ZYG11B: variants seen among roughly 807,000 people sequenced by gnomAD.
ZYG11B encodes the protein zyg-11 family member B, cell cycle regulator.
Under a neutral mutation model 82.4 loss-of-function variants are expected in ZYG11B, and 36 were observed. That is an observed-to-expected ratio of 0.44 (90% CI 0.33 to 0.58). The LOEUF (loss-of-function observed/expected upper bound fraction) is 0.58. Ranked by LOEUF, ZYG11B falls within the 20% of genes least tolerant of loss-of-function variation. The pLI is 0.02. For synonymous variants in ZYG11B, 303 were observed against 312.8 expected, an observed-to-expected ratio of 0.97 and a Z score of 0.33; for missense variants, 552 against 895.6, an observed-to-expected ratio of 0.62 and a Z score of 4.90.
intron 2 of ZYG11B, among the ~76,000 whole-genome samples, chr1:52,759,132 A>G (rs183966264): frequency 4.6e-5 from 7 of 152,234 alleles, no homozygotes; most frequent in Non-Finnish European, 8.8e-5. Context: ...GGGTTTCACC[A>G]TGTTGGCCAG....
In ZYG11B at chr1:52,824,716, C is replaced by T. The variant is rs981784453; in HGVS notation, c.*3087C>T. ...AGTGCCTTTGCAGTTGGGATGGTTC[C>T]TAAAATTGCGTATAGAATTAAGGCA... On this transcript the variant is annotated 3_prime_UTR_variant, in exon 14 of 14. Transcript: ENST00000294353. 6 of 151,838 alleles carry T rather than the reference C, an allele frequency of 4.0e-5. No individual in the cohort carries two copies. The highest frequency in any genetic ancestry group is 7.4e-5 in the Non-Finnish European group (5 of 67,992). 9.4% of individuals were successfully genotyped at this position (151,838 alleles called of 1,614,324 possible).
intron 8 of ZYG11B, among the ~76,000 whole-genome samples, chr1:52,801,576 G>A (rs1402216832): frequency 6.6e-6 from 1 of 151,950 alleles, no homozygotes; most frequent in Admixed American, 6.6e-5. Flanking sequence ...TAATCATTTT[G>A]CCTATGTTAT....
chr1:52,736,583 G>T (rs1209903454), intron 1 of ZYG11B, among the ~76,000 whole-genome samples: 1 of 152,128 alleles, frequency 6.6e-6, no homozygotes, highest in Non-Finnish European at 1.5e-5. Flanking sequence ...CTCCTGAGTA[G>T]CTGGGATTAC....
intron 10 of ZYG11B, among the ~76,000 whole-genome samples, chr1:52,808,520 G>A (rs1645159628): frequency 1.3e-5 from 2 of 152,044 alleles, no homozygotes; most frequent in African/African-American, 4.8e-5. Context: ...AAAGTTTTTA[G>A]CCATTATTTC....
chr1:52,727,733 T>A, intron 1 of ZYG11B, among the ~76,000 whole-genome samples: 1 of 152,158 alleles, frequency 6.6e-6, no homozygotes, highest in East Asian at 1.9e-4. Context: ...GAGAACCTTA[T>A]ATTTGCAAAT....
intron 3 of ZYG11B, among the ~76,000 whole-genome samples, chr1:52,775,572 T>A (rs1644796878): frequency 6.6e-6 from 1 of 152,062 alleles, no homozygotes. Context: ...ATGCCTGTAA[T>A]CCCATCTATT....
rs1644747048 is a variant in ZYG11B, at chr1:52,771,154, G to T, written c.331G>T (p.Asp111Tyr). 4.3e-6 allele frequency: 7 copies of T among 1,614,108 alleles called. No homozygotes were observed. Among genetic ancestry groups the T allele is most frequent in the Non-Finnish European group, 5.9e-6 (7 of 1,180,054 alleles). The change falls in exon 3 of 14, where the codon GAT becomes TAT. Residue 111 changes from aspartate to tyrosine, a missense_variant. This residue lies in a region of ZYG11B where 359 missense variants were observed against 555.8 expected (regional missense o/e 0.65). Transcript: ENST00000294353. This position sits in a 1 kb window ranked among gnomAD's most constrained non-coding sequence, Gnocchi z 5.4. ...CTGCCACCACAAGTTAGTGGAACTT[G>T]ATGCCACAGGTGTGAATGCTGATAT... is the stretch of plus-strand genomic sequence containing the variant. ...AFCHHKLVEL[D>Y]ATGVNADITI...
At position 52,813,795 on chromosome 1, in the gene ZYG11B, T is replaced by C. The variant is rs896401500; in HGVS notation, c.1893+62T>C. Reference sequence around the variant, plus strand: ...TGGTTAAACTATCAAAGCCTCATAATGTAGTAAATAATGCAGTGCTAAATA... The same window carrying C: ...TGGTTAAACTATCAAAGCCTCATAACGTAGTAAATAATGCAGTGCTAAATA... On this transcript the variant is annotated intron_variant, in intron 11 of 13. Coordinates refer to ENST00000294353, the MANE Select transcript of ZYG11B (RefSeq NM_024646.3). 5 of 1,612,854 alleles carry C rather than the reference T, an allele frequency of 3.1e-6. No homozygotes were observed. The African/African-American group carries it at 5.3e-5, about 17-fold the overall frequency.
rs1645294674 is a variant in ZYG11B at position 52,823,011 on chromosome 1, T to C, written c.*1382T>C. 1 of 152,268 alleles carries C rather than the reference T, an allele frequency of 6.6e-6. No homozygotes were observed. Among genetic ancestry groups the C allele is most frequent in the African/African-American group, 2.4e-5 (1 of 41,472 alleles). 9.4% of individuals were successfully genotyped at this position (152,268 alleles called of 1,614,324 possible). On this transcript the variant is annotated 3_prime_UTR_variant, in exon 14 of 14. Coordinates refer to ENST00000294353, the MANE Select transcript of ZYG11B (RefSeq NM_024646.3). Reference sequence around the variant, plus strand: ...AATGGAATATTAAAATTATAGTGATTATTCAGAAGCATTTTAATTTAGAAA... The same window carrying C: ...AATGGAATATTAAAATTATAGTGATCATTCAGAAGCATTTTAATTTAGAAA...
At chr1:52,792,112 T>C (rs1571782405) in intron 6 of ZYG11B, among the ~76,000 whole-genome samples, 2 of 152,324 alleles carry the variant, frequency 1.3e-5, no homozygotes, top group East Asian at 3.9e-4. Flanking sequence ...TTTGCTTTCC[T>C]CTCATCTAGC....
intron 10 of ZYG11B, among the ~76,000 whole-genome samples, chr1:52,803,275 C>T (rs1385751742): frequency 6.5e-5 from 7 of 108,178 alleles, no homozygotes; most frequent in African/African-American, 2.1e-4. Context: ...TACACACACA[C>T]ACACATATAT....
chr1:52,770,763 A>G (rs1348893149), intron 2 of ZYG11B, among the ~76,000 whole-genome samples: 1 of 152,176 alleles, frequency 6.6e-6, no homozygotes, highest in East Asian at 1.9e-4. Context: ...TAAGAACTAG[A>G]TGTTAGTGGA....
rs140509964 is a variant in ZYG11B, at chr1:52,726,957, C to G, written c.30+274C>G. ...CCAGTGACAGCCTTTTTCGCATTCCCTTTGTCGCCCACTCCTTGTCCTTTA... is the reference window on the plus strand; with the variant it reads ...CCAGTGACAGCCTTTTTCGCATTCCGTTTGTCGCCCACTCCTTGTCCTTTA... On this transcript the variant is annotated intron_variant, in intron 1 of 13. Transcript: ENST00000294353. Among the ~76,000 whole-genome samples, 18 of 152,162 alleles carry G rather than the reference C, an allele frequency of 1.2e-4. No individual in the cohort carries two copies. The East Asian group carries it at 3.5e-3, about 30-fold the overall frequency.
chr1:52,757,546 G>T (rs1445714595), intron 2 of ZYG11B, among the ~76,000 whole-genome samples: 2 of 151,886 alleles, frequency 1.3e-5, no homozygotes, highest in Non-Finnish European at 2.9e-5. Context: ...GTGGCAATAC[G>T]TGCCTATAAT....
At chr1:52,816,439 A>C (rs368046292) in intron 12 of ZYG11B, 93 bp from the exon 13 acceptor site, 3 of 827,628 alleles carry the variant, frequency 3.6e-6, no homozygotes. Context: ...TAATAGGATA[A>C]AATTTTGAAA....
At chr1:52,741,195 G>A (rs2149921381) in intron 1 of ZYG11B, among the ~76,000 whole-genome samples, 1 of 151,098 alleles carries the variant, frequency 6.6e-6, no homozygotes, top group East Asian at 2.0e-4. Context: ...CTACTCGAGA[G>A]GCTAAGGCAG....
At chr1:52,729,903 G>C (rs999837445) in intron 1 of ZYG11B, among the ~76,000 whole-genome samples, 2 of 152,106 alleles carry the variant, frequency 1.3e-5, no homozygotes, top group South Asian at 2.1e-4. Context: ...GACTTCCCAG[G>C]CTCAAGCGAT....
intron 11 of ZYG11B, 29 bp from the exon 12 acceptor site, chr1:52,813,831 T>C: frequency 6.2e-7 from 1 of 1,614,028 alleles, no homozygotes; most frequent in Non-Finnish European, 8.5e-7. Context: ...AATATTGTAA[T>C]CCTTTCTTGT....
In ZYG11B at chr1:52,825,654, A is replaced by C. The variant is rs1335260950; in HGVS notation, c.*4025A>C. On this transcript the variant is annotated 3_prime_UTR_variant, in exon 14 of 14. Coordinates refer to ENST00000294353, the MANE Select transcript of ZYG11B (RefSeq NM_024646.3). Reference sequence around the variant, plus strand: ...CCCAGTCATCTTATTTGGCTATGTTAAAAAAAAAAAAAAAAAAAAAGCGAG... The same window carrying C: ...CCCAGTCATCTTATTTGGCTATGTTCAAAAAAAAAAAAAAAAAAAAGCGAG... 2.6e-4 allele frequency: 1 copy of C among 3,818 alleles called. No individual in the cohort carries two copies. Among genetic ancestry groups the C allele is most frequent in the African/African-American group, 3.4e-4 (1 of 2,918 alleles). The allele number at this position is 3,818 out of a possible 1,614,324, so 0.2% of individuals were successfully genotyped here.
Sources: gnomAD v4.1 joint callset for allele counts (sites outside exome capture counted in the v4.1 genomes callset) on GRCh38, gnomAD v4.1.1 for gene constraint, gnomAD v4.1.1 regional missense constraint, Gnocchi (gnomAD v3.1) non-coding constraint, MANE v1.5 for transcripts, NCBI Gene and HGNC (gene_info 2026-07-23, HGNC 2026-07-21) for gene names.